The following C17orf50 variants were observed in gnomAD, a reference collection of about 807,000 sequenced individuals.
C17orf50 encodes uncharacterized protein C17orf50.
C17orf50 carries 16 observed loss-of-function variants against 17.7 expected under a neutral mutation model. The ratio of observed to expected loss-of-function variants is 0.90; its 90% CI spans 0.61 to 1.37. C17orf50 has a LOEUF of 1.37. C17orf50 is among the 40% of genes most tolerant of loss of function. The pLI, the probability that C17orf50 is intolerant of heterozygous loss-of-function variation, is 0.00. For synonymous variants in C17orf50, 125 were observed against 111.0 expected, an observed-to-expected ratio of 1.13 and a Z score of -0.80; for missense variants, 271 against 240.7, an observed-to-expected ratio of 1.13 and a Z score of -0.83.
At chr17:35,764,377 A>C (rs2143116035) in intron 2 of C17orf50, 49 bp from the exon 3 acceptor site, 1 of 1,458,518 alleles carries the variant, frequency 6.9e-7, no homozygotes, top group Admixed American at 2.6e-5. Context: ...CCCGGGCCCC[A>C]GGGAGGAGGG....
rs782715641 is a variant in C17orf50, at chr17:35,760,992, G to T, written c.13+38G>T. 1.9e-6 allele frequency: 3 copies of T among 1,601,452 alleles called. No individual in the cohort carries two copies. The African/African-American group carries it at 4.0e-5, about 21-fold the overall frequency. ...GGAGGCAGGGTGGGGCTGGAGGACAGGACCTCTTGACCCTAGCTTGGACAA... is the reference window on the plus strand; with the variant it reads ...GGAGGCAGGGTGGGGCTGGAGGACATGACCTCTTGACCCTAGCTTGGACAA... On this transcript the variant is annotated intron_variant, in intron 1 of 2. Coordinates refer to ENST00000605587, the MANE Select transcript of C17orf50 (RefSeq NM_145272.4).
chr17:35,761,073 C>A, intron 1 of C17orf50, 119 bp downstream of exon 1: 2 of 1,048,996 alleles, frequency 1.9e-6, no homozygotes, highest in Non-Finnish European at 2.7e-6. Context: ...CATGTAGCTG[C>A]AAGCCCTCTC....
At position 35,760,924 on chromosome 17, in the gene C17orf50, G is replaced by A. The variant is rs1598404117; in HGVS notation, c.-18G>A. ...CCCAGTCTCTGATCAGGGAAAGCAG[G>A]GCACAGCCTTGGGAAGAATGGATAA... is the stretch of plus-strand genomic sequence containing the variant. On this transcript the variant is annotated 5_prime_UTR_variant, in exon 1 of 3. Transcript: ENST00000605587. The A allele has an allele frequency of 6.2e-7, 1 of 1,613,732 alleles. No individual in the cohort carries two copies. The highest frequency in any genetic ancestry group is 8.5e-7 in the Non-Finnish European group (1 of 1,180,006).
intron 1 of C17orf50, among the ~76,000 whole-genome samples, chr17:35,762,929 T>A (rs1370826757): frequency 6.6e-6 from 1 of 152,084 alleles, no homozygotes; most frequent in African/African-American, 2.4e-5. Context: ...GAGACCATCC[T>A]GGCAAACATG....
Position 35,764,297 on chromosome 17 carries a change from C to G in C17orf50, c.304C>G (p.Leu102Val), listed in dbSNP as rs1555602217. The part of the protein sequence containing the change: ...FWGWLGPLAL[L>V]GGLTAPTDRK... ...GGGCTGGCTCGGCCCCTTAGCGCTG[C>G]TGGGCGGCCTAACAGCTCCCACCGA... is the stretch of plus-strand genomic sequence containing the variant. The change falls in exon 2 of 3, where the codon CTG becomes GTG. Residue 102 changes from leucine to valine, a missense_variant. Transcript: ENST00000605587. The G allele has an allele frequency of 6.6e-7, 1 of 1,510,596 alleles. No individual in the cohort carries two copies. Among genetic ancestry groups the G allele is most frequent in the African/African-American group, 1.4e-5 (1 of 70,496 alleles). The allele number at this position is 1,510,596 out of a possible 1,614,324, so 93.6% of individuals were successfully genotyped here.
chr17:35,764,310 C>G lies in C17orf50; in HGVS notation c.317C>G (p.Thr106Arg). ...LGPLALLGGLTAPTDRKRSLP... is the reference protein window; with the variant it reads ...LGPLALLGGLRAPTDRKRSLP... ...CCCTTAGCGCTGCTGGGCGGCCTAA[C>G]AGCTCCCACCGACAGGTGCCTGCGC... Residue 106 changes from threonine (T) to arginine (R), a missense_variant, in exon 2 of 3, where the codon ACA becomes AGA. Transcript: ENST00000605587. 6 of 1,490,176 alleles carry G rather than the reference C, an allele frequency of 4.0e-6. No individual in the cohort carries two copies. The highest frequency in any genetic ancestry group is 5.3e-6 in the Non-Finnish European group (6 of 1,125,222). The allele number at this position is 1,490,176 out of a possible 1,614,324, so 92.3% of individuals were successfully genotyped here.
chr17:35,760,953 T>C lies in C17orf50; in HGVS notation c.12T>C (p.His4=). The change falls in exon 1 of 3, where the codon CAT becomes CAC. Residue 4 remains histidine (H), a splice_region_variant and synonymous_variant. Transcript: ENST00000605587. MDK[H]GVKTPLWKKE... ...CAGCCTTGGGAAGAATGGATAAGCA[T>C]GGTGAGTGGGGCTGGAGGCAGGGTG... 1 of 1,613,600 alleles carries C rather than the reference T, an allele frequency of 6.2e-7. No homozygotes were observed. Among genetic ancestry groups the C allele is most frequent in the Non-Finnish European group, 8.5e-7 (1 of 1,179,882 alleles).
intron 1 of C17orf50, 177 bp from the exon 2 acceptor site, chr17:35,763,830 G>A (rs1267614898): frequency 7.3e-6 from 3 of 411,426 alleles, no homozygotes; most frequent in Non-Finnish European, 1.1e-5. Context: ...CCGTGAGGCG[G>A]AGGTTGCAGT....
Position 35,764,502 on chromosome 17 carries a change from T to A in C17orf50, c.409T>A (p.Cys137Ser). 1.3e-6 allele frequency: 2 copies of A among 1,588,974 alleles called. No individual in the cohort carries two copies. The highest frequency in any genetic ancestry group is 1.7e-6 in the Non-Finnish European group (2 of 1,170,430). Residue 137 changes from cysteine (C) to serine (S), a missense_variant, in exon 3 of 3, where the codon TGC (cysteine) becomes AGC (serine). Cys to Ser is a moderately radical substitution (Grantham distance 112). Coordinates refer to ENST00000605587, the MANE Select transcript of C17orf50 (RefSeq NM_145272.4). ...RPPRRGGCAC[C>S]ELLFCKKCRS... Reference sequence around the variant, plus strand: ...GCCGCGCCGCGGGGGCTGTGCTTGCTGCGAGCTCCTCTTCTGCAAGAAATG... The same window carrying A: ...GCCGCGCCGCGGGGGCTGTGCTTGCAGCGAGCTCCTCTTCTGCAAGAAATG...
In C17orf50 at chr17:35,764,087, T is replaced by C. The variant is rs782341898; in HGVS notation, c.94T>C (p.Ser32Pro). Residue 32 changes from serine to proline, a missense_variant, in exon 2 of 3, where the codon TCG becomes CCG. Physicochemically the swap from Ser to Pro is moderately conservative, Grantham distance 74. Transcript: ENST00000605587. The part of the protein sequence containing the change: ...DAEQEEGKEG[S>P]EDEDEDNQRP... ...GGAGCAAGAGGAAGGGAAGGAGGGG[T>C]CGGAGGACGAGGACGAGGACAACCA... 1.5e-4 allele frequency: 229 copies of C among 1,548,468 alleles called. 3 individuals are homozygous for C. In the East Asian group the frequency reaches 5.6e-3, roughly 38 times the overall value.
chr17:35,762,178 C>CG (rs2085833984), intron 1 of C17orf50, among the ~76,000 whole-genome samples: 1 of 152,090 alleles, frequency 6.6e-6, no homozygotes, highest in African/African-American at 2.4e-5. Context: ...TTAGTAGAGA[C>CG]GGGGTTTCTC....
At position 35,764,059 on chromosome 17, in the gene C17orf50, C is replaced by A. The variant is rs4795087; in HGVS notation, c.66C>A (p.Asp22Glu). 1.9e-6 allele frequency: 3 copies of A among 1,549,182 alleles called. No individual in the cohort carries two copies. In the African/African-American group the frequency reaches 4.1e-5, roughly 21 times the overall value. ...KKETEELRAEDAEQEEGKEGS... is the reference protein window; with the variant it reads ...KKETEELRAEEAEQEEGKEGS... ...AAACGGAAGAGCTCCGGGCCGAGGA[C>A]GCGGAGCAAGAGGAAGGGAAGGAGG... Residue 22 changes from aspartate (D) to glutamate (E), a missense_variant, in exon 2 of 3, where the codon GAC becomes GAA. Coordinates refer to ENST00000605587, the MANE Select transcript of C17orf50 (RefSeq NM_145272.4).
intron 2 of C17orf50, 33 bp from the exon 3 acceptor site, chr17:35,764,393 C>T: frequency 6.7e-7 from 1 of 1,501,424 alleles, no homozygotes; most frequent in Non-Finnish European, 8.9e-7. Flanking sequence ...GAGGGGCTGC[C>T]CCAGGCACTG....
chr17:35,763,968 G>A (rs1199566146), intron 1 of C17orf50, 39 bp from the exon 2 acceptor site: 3 of 1,398,126 alleles, frequency 2.1e-6, no homozygotes, highest in Non-Finnish European at 2.8e-6. Context: ...CCCTTTCTCG[G>A]GGACAGCAGG....
intron 1 of C17orf50, among the ~76,000 whole-genome samples, chr17:35,761,376 C>T (rs1449631346): frequency 6.6e-6 from 1 of 150,936 alleles, no homozygotes; most frequent in Admixed American, 6.6e-5. Flanking sequence ...CTCCCAAAGT[C>T]CTGGGATTAC....
In C17orf50 at chr17:35,760,935, G is replaced by C; in HGVS notation, c.-7G>C. On this transcript the variant is annotated 5_prime_UTR_variant, in exon 1 of 3. Coordinates refer to ENST00000605587, the MANE Select transcript of C17orf50 (RefSeq NM_145272.4). ...ATCAGGGAAAGCAGGGCACAGCCTT[G>C]GGAAGAATGGATAAGCATGGTGAGT... 1 of 1,613,772 alleles carries C rather than the reference G, an allele frequency of 6.2e-7. No individual in the cohort carries two copies. The highest frequency in any genetic ancestry group is 8.5e-7 in the Non-Finnish European group (1 of 1,179,978).
At chr17:35,761,275 TG>T (rs1285846133) in intron 1 of C17orf50, among the ~76,000 whole-genome samples, 1 of 151,586 alleles carries the variant, frequency 6.6e-6, no homozygotes, top group Non-Finnish European at 1.5e-5. Context: ...AGCTAATTTT[TG>T]TATTTTGTAT....
At chr17:35,761,152 G>T (rs2085810519) in intron 1 of C17orf50, among the ~76,000 whole-genome samples, 198 bp downstream of exon 1, 1 of 143,622 alleles carries the variant, frequency 7.0e-6, no homozygotes, top group South Asian at 2.2e-4. Context: ...CACCCAGACT[G>T]GAGTGCAGTG....
intron 1 of C17orf50, among the ~76,000 whole-genome samples, chr17:35,761,786 T>C (rs587715016): frequency 1.3e-5 from 2 of 152,278 alleles, no homozygotes; most frequent in African/African-American, 4.8e-5. Context: ...CCAGATTCCA[T>C]AGCGCAGCAC....
Sources: allele counts gnomAD v4.1 joint callset (sites outside exome capture counted in the v4.1 genomes callset), GRCh38; gene constraint gnomAD v4.1.1; transcripts MANE v1.5; gene names NCBI Gene and HGNC (gene_info 2026-07-23, HGNC 2026-07-21).